Variants in PCDHA2 observed in about 807,000 individuals in gnomAD.
PCDHA2 encodes the protein protocadherin alpha-2.
PCDHA2 carries 58 observed loss-of-function variants against 66.0 expected under a neutral mutation model. That is an observed-to-expected ratio of 0.88 (90% CI 0.71 to 1.09). PCDHA2 has a LOEUF of 1.09. Ranked by LOEUF, PCDHA2 falls within the 50% of genes least tolerant of loss-of-function variation. The probability of loss-of-function intolerance (pLI) is 0.00; values close to 1 mark genes in which losing one functional copy is unlikely to be tolerated. For synonymous variants in PCDHA2, 634 were observed against 554.0 expected, an observed-to-expected ratio of 1.14 and a Z score of -2.03; for missense variants, 1,267 against 1,242.3, an observed-to-expected ratio of 1.02 and a Z score of -0.30.
intron 1 of PCDHA2, among the ~76,000 whole-genome samples, chr5:140,889,062 T>C (rs1463008573): frequency 1.3e-5 from 2 of 152,052 alleles, no homozygotes; most frequent in African/African-American, 2.4e-5. Context: ...CCTTTTAATA[T>C]ACTACTTATT....
intron 1 of PCDHA2, chr5:140,875,272 A>G: frequency 1.6e-6 from 2 of 1,265,056 alleles, no homozygotes; most frequent in Non-Finnish European, 2.1e-6. Context: ...CTCTACACTC[A>G]GAAGGTGAAA....
intron 1 of PCDHA2, chr5:140,927,351 G>A (rs782202644): frequency 1.4e-5 from 23 of 1,614,054 alleles, no homozygotes; most frequent in Non-Finnish European, 1.9e-5. Flanking sequence ...ATGACGACGA[G>A]GGAAGCAATG....
chr5:140,921,212 C>T lies in PCDHA2; in HGVS notation c.2389-57737C>T, dbSNP rs78827164. On this transcript the variant is annotated intron_variant, in intron 1 of 3. Coordinates refer to ENST00000526136, the MANE Select transcript of PCDHA2 (RefSeq NM_018905.3). ...ACAATAGATTGACAACGATAATTCA[C>T]GTCTTTTTTGCTAGATGATATTAAG... is the stretch of plus-strand genomic sequence containing the variant. Among the ~76,000 whole-genome samples the T allele has an allele frequency of 3.7e-3, 555 of 152,020 alleles. 3 individuals carry two copies. Among genetic ancestry groups the T allele is most frequent in the Non-Finnish European group, 5.8e-3 (395 of 67,980 alleles).
chr5:140,850,953 C>A (rs2150503765), intron 1 of PCDHA2: 2 of 1,483,986 alleles, frequency 1.3e-6, no homozygotes, highest in Non-Finnish European at 1.8e-6. Context: ...TTATCGATTA[C>A]TCCCAGGGGC....
At chr5:140,803,204 G>T in intron 1 of PCDHA2, 1 of 1,613,900 alleles carries the variant, frequency 6.2e-7, no homozygotes, top group Non-Finnish European at 8.5e-7. Flanking sequence ...TGGTGTCGCT[G>T]GTGGAGAGTG....
chr5:140,927,995 AC>A, intron 1 of PCDHA2: 5 of 1,614,042 alleles, frequency 3.1e-6, no homozygotes, highest in Non-Finnish European at 4.2e-6. Flanking sequence ...AAGGATGAAG[AC>A]CTCGATTCTA....
chr5:140,796,947 C>A lies in PCDHA2; in HGVS notation c.1983C>A (p.Ala661=), dbSNP rs782442389. The change falls in exon 1 of 4, where the codon GCC becomes GCA. Residue 661 remains alanine, a synonymous_variant. Transcript: ENST00000526136. The part of the protein sequence containing the change: ...VKDHGEPALT[A]TATVLVSLVE... ...ACCACGGCGAACCAGCGTTGACAGC[C>A]ACGGCCACCGTGTTAGTGTCGTTGG... is the stretch of plus-strand genomic sequence containing the variant. The A allele has an allele frequency of 6.2e-7, 1 of 1,613,830 alleles. No homozygotes were observed. The highest frequency in any genetic ancestry group is 8.5e-7 in the Non-Finnish European group (1 of 1,179,980).
rs2150362275 is a variant in PCDHA2 at position 140,843,540 on chromosome 5, T to G, written c.2388+46188T>G. On this transcript the variant is annotated intron_variant, in intron 1 of 3. Transcript: ENST00000526136. Reference sequence around the variant, plus strand: ...TGCCGGGCGGGCAAGCCCACTCTGGTGTGCTCCAGTGCGGTGGGGAGCTGG... The same window carrying G: ...TGCCGGGCGGGCAAGCCCACTCTGGGGTGCTCCAGTGCGGTGGGGAGCTGG... 12 of 1,595,850 alleles carry G rather than the reference T, an allele frequency of 7.5e-6. 3 individuals are homozygous for G. Among genetic ancestry groups the G allele is most frequent in the Non-Finnish European group, 1.0e-5 (12 of 1,165,530 alleles).
chr5:140,858,298 G>A lies in PCDHA2; in HGVS notation c.2388+60946G>A. The A allele has an allele frequency of 1.3e-6, 2 of 1,597,204 alleles. 1 individual carries two copies. Among genetic ancestry groups the A allele is most frequent in the South Asian group, 2.2e-5 (2 of 90,438 alleles). ...CGGTGGGGAGCTGGTCTTACTCGCA[G>A]CAGAGGCGGCAGAGGGTGTGTTCTG... On this transcript the variant is annotated intron_variant, in intron 1 of 3. Transcript: ENST00000526136.
chr5:140,853,985 G>A (rs1007400515), intron 1 of PCDHA2: 2 of 520,646 alleles, frequency 3.8e-6, no homozygotes, highest in East Asian at 1.4e-4. Context: ...CCAATGTAGT[G>A]AGACTCATCT....
At chr5:140,959,524 C>T (rs187530929) in intron 1 of PCDHA2, among the ~76,000 whole-genome samples, 1 of 152,024 alleles carries the variant, frequency 6.6e-6, no homozygotes. Context: ...ATCTTTAAGA[C>T]CATTAATTCA....
rs149174279 is a variant in PCDHA2, at chr5:140,843,203, A to G, written c.2388+45851A>G. 525 of 1,595,940 alleles carry G rather than the reference A, an allele frequency of 3.3e-4. 48 individuals carry two copies. Among genetic ancestry groups the G allele is most frequent in the Non-Finnish European group, 7.1e-5 (83 of 1,165,544 alleles). ...CATCCCGTTCCGCGTGGGGCTGTAC[A>G]CGGGCGAGATCAGCACCACTCGTGT... is the stretch of plus-strand genomic sequence containing the variant. On this transcript the variant is annotated intron_variant, in intron 1 of 3. Coordinates refer to ENST00000526136, the MANE Select transcript of PCDHA2 (RefSeq NM_018905.3).
At chr5:140,997,967 G>A (rs1275111362) in intron 3 of PCDHA2, among the ~76,000 whole-genome samples, 1 of 152,104 alleles carries the variant, frequency 6.6e-6, no homozygotes, top group African/African-American at 2.4e-5. Flanking sequence ...CGTACCTGTG[G>A]TTGGACTGCA....
intron 1 of PCDHA2, 139 bp from the exon 2 acceptor site, chr5:140,978,808 TAG>T: frequency 6.7e-7 from 1 of 1,496,146 alleles, no homozygotes; most frequent in Non-Finnish European, 8.9e-7. Flanking sequence ...GATATCATCA[TAG>T]AGTTACACAT....
chr5:140,917,442 G>C (rs186885625), intron 1 of PCDHA2, among the ~76,000 whole-genome samples: 5 of 152,072 alleles, frequency 3.3e-5, no homozygotes, highest in Admixed American at 3.3e-4. Flanking sequence ...TGTTTTTGCT[G>C]CAAGAGCGTT....
At chr5:140,872,181 G>T (rs2053527538) in intron 1 of PCDHA2, among the ~76,000 whole-genome samples, 1 of 151,138 alleles carries the variant, frequency 6.6e-6, no homozygotes, top group Admixed American at 6.6e-5. Flanking sequence ...TTTTTTTACA[G>T]TGTTAAACGT....
intron 1 of PCDHA2, chr5:140,849,567 C>G: frequency 1.3e-6 from 2 of 1,598,580 alleles, no homozygotes; most frequent in Non-Finnish European, 1.7e-6. Flanking sequence ...GCTCTCGGTT[C>G]CTGTAAAAGA....
At chr5:140,924,944 TAA>T (rs11334471) in intron 1 of PCDHA2, among the ~76,000 whole-genome samples, 87 of 142,948 alleles carry the variant, frequency 6.1e-4, no homozygotes, top group African/African-American at 2.0e-3. Flanking sequence ...AATAAAAAGT[TAA>T]AAAAAAAATG....
At chr5:140,975,174 T>C (rs1470598627) in intron 1 of PCDHA2, among the ~76,000 whole-genome samples, 1 of 152,208 alleles carries the variant, frequency 6.6e-6, no homozygotes, top group Non-Finnish European at 1.5e-5. Context: ...GACTCAGGAC[T>C]CTTGTCCCAT....
Sources: gnomAD v4.1 joint callset for allele counts (sites outside exome capture counted in the v4.1 genomes callset) on GRCh38, gnomAD v4.1.1 for gene constraint, MANE v1.5 for transcripts, NCBI Gene and HGNC (gene_info 2026-07-23, HGNC 2026-07-21) for gene names.